Variants in KNDC1 observed in about 807,000 individuals in gnomAD.
KNDC1 encodes kinase non-catalytic C-lobe domain containing 1, also known as kinase non-catalytic C-lobe domain-containing protein 1.
In KNDC1, 106 loss-of-function variants were observed where a neutral mutation model predicts 172.8. The observed-to-expected ratio is 0.61, with a 90% CI of 0.52 to 0.72. The LOEUF is 0.72. Among genes scored for constraint, KNDC1 ranks in the 30% least tolerant of loss-of-function variants. The probability of loss-of-function intolerance (pLI) is 0.00; values close to 1 mark genes in which losing one functional copy is unlikely to be tolerated. For missense variants in KNDC1, 2,325 were observed against 2,394.5 expected (o/e 0.97, Z 0.61); for synonymous variants, 1,083 against 1,062.2 (o/e 1.02, Z -0.38).
Position 133,195,145 on chromosome 10 carries a change from C to T in KNDC1, c.1576-518C>T, listed in dbSNP as rs112757056. On this transcript the variant is annotated intron_variant, in intron 9 of 29. Coordinates refer to ENST00000304613, the MANE Select transcript of KNDC1 (RefSeq NM_152643.8). ...GACTGGCTCTGTGGAACTTACAAAACGTGCATCAAATGGTGTGCTGTGCAT... is the reference window on the plus strand; with the variant it reads ...GACTGGCTCTGTGGAACTTACAAAATGTGCATCAAATGGTGTGCTGTGCAT... 2.5e-3 allele frequency among the ~76,000 whole-genome samples: 383 copies of T among 152,330 alleles called. 3 individuals carry two copies. The highest frequency in any genetic ancestry group is 8.3e-3 in the African/African-American group (343 of 41,572).
chr10:133,187,907 C>T (rs1400146439), intron 6 of KNDC1, among the ~76,000 whole-genome samples: 2 of 142,570 alleles, frequency 1.4e-5, no homozygotes, highest in African/African-American at 5.2e-5. Context: ...TGCACCCCGT[C>T]CCGCCCTCCA....
rs778788705 is a variant in KNDC1 at position 133,198,842 on chromosome 10, C to T, written c.2334C>T (p.Pro778=). 6 of 1,599,316 alleles carry T rather than the reference C, an allele frequency of 3.8e-6. No individual in the cohort carries two copies. Among genetic ancestry groups the T allele is most frequent in the Non-Finnish European group, 4.3e-6 (5 of 1,175,476 alleles). The change falls in exon 14 of 30, where the codon CCC becomes CCT. Residue 778 remains proline, a synonymous_variant. Coordinates refer to ENST00000304613, the MANE Select transcript of KNDC1 (RefSeq NM_152643.8). ...CAGAGGGGGCCTCATCGGCAGCTCCCGGCTCTCCAGTCCCCGCCCCGCCCA... is the reference window on the plus strand; with the variant it reads ...CAGAGGGGGCCTCATCGGCAGCTCCTGGCTCTCCAGTCCCCGCCCCGCCCA... ...NQPEGASSAA[P]GSPVPAPPTK...
At chr10:133,183,514 C>T in intron 4 of KNDC1, 24 bp downstream of exon 4, 2 of 1,582,694 alleles carry the variant, frequency 1.3e-6, no homozygotes, top group Non-Finnish European at 1.7e-6. Context: ...CCCTGGGCCA[C>T]CCCAGGCTGT....
At chr10:133,216,927 G>A (rs867196632) in intron 26 of KNDC1, among the ~76,000 whole-genome samples, 15 of 152,260 alleles carry the variant, frequency 9.9e-5, no homozygotes, top group African/African-American at 3.1e-4. Context: ...CGAGCCAGTC[G>A]CGAAGCACGG....
chr10:133,189,227 G>A (rs9419021), intron 7 of KNDC1, among the ~76,000 whole-genome samples: 2,806 of 152,252 alleles, frequency 0.018, 37 homozygotes, highest in Non-Finnish European at 0.028. Flanking sequence ...AGACACACCC[G>A]GCTCCAGTGT....
chr10:133,218,978 C>T (rs372596073), intron 27 of KNDC1, 25 bp downstream of exon 27: 169 of 1,613,488 alleles, frequency 1.0e-4, no homozygotes, highest in Middle Eastern at 1.6e-4. Context: ...GGCCCCAAGG[C>T]GGGGGTGGGT....
intron 29 of KNDC1, among the ~76,000 whole-genome samples, chr10:133,223,740 T>A (rs868593516): frequency 3.6e-5 from 3 of 83,450 alleles, no homozygotes; most frequent in South Asian, 6.0e-4. Flanking sequence ...TGTGTGTGTG[T>A]GAGAGCCCAT....
chr10:133,211,377 C>T (rs138572305), intron 21 of KNDC1, 45 bp from the exon 22 acceptor site: 2,124 of 1,586,462 alleles, frequency 1.3e-3, no homozygotes, highest in Middle Eastern at 3.1e-3. Context: ...CCTCTGCCCC[C>T]GACTCCCACA....
At chr10:133,167,855 A>G (rs1463908383) in intron 2 of KNDC1, among the ~76,000 whole-genome samples, 2 of 152,070 alleles carry the variant, frequency 1.3e-5, no homozygotes, top group African/African-American at 2.4e-5. Context: ...GACTTCCCCT[A>G]AGGGCAGGCT....
Position 133,186,356 on chromosome 10 carries a change from A to G in KNDC1, c.1008A>G (p.Leu336=). 1 of 1,612,682 alleles carries G rather than the reference A, an allele frequency of 6.2e-7. No homozygotes were observed. Among genetic ancestry groups the G allele is most frequent in the Non-Finnish European group, 8.5e-7 (1 of 1,179,952 alleles). ...AAAGCCAGCTGCCCATATCGGAATT[A>G]TTCTCTCCGGACCCCAGGAAGGCCT... ...RGKSQLPISE[L]FSPDPRKAFL... The change falls in exon 6 of 30, where the codon TTA becomes TTG. Residue 336 remains leucine, a synonymous_variant. Coordinates refer to ENST00000304613, the MANE Select transcript of KNDC1 (RefSeq NM_152643.8).
At position 133,197,719 on chromosome 10, in the gene KNDC1, A is replaced by C. The variant is rs1452733206; in HGVS notation, c.1857A>C (p.Ser619=). 2.5e-6 allele frequency: 4 copies of C among 1,613,240 alleles called. No individual in the cohort carries two copies. Among genetic ancestry groups the C allele is most frequent in the Non-Finnish European group, 3.4e-6 (4 of 1,179,882 alleles). The change falls in exon 12 of 30, where the codon TCA becomes TCC. Residue 619 remains serine, a synonymous_variant. Coordinates refer to ENST00000304613, the MANE Select transcript of KNDC1 (RefSeq NM_152643.8). The part of the protein sequence containing the change: ...EETISLQNAF[S]VVELKPSVAP... ...CCATCAGCCTCCAAAACGCCTTCTC[A>C]GTGGTTGAACTGAAGCCCAGTGTGG...
At position 133,203,009 on chromosome 10, in the gene KNDC1, C is replaced by T. The variant is rs559722234; in HGVS notation, c.3387+1111C>T. Among the ~76,000 whole-genome samples, 370 of 147,660 alleles carry T rather than the reference C, an allele frequency of 2.5e-3. 3 individuals carry two copies. The highest frequency in any genetic ancestry group is 8.3e-3 in the African/African-American group (330 of 39,768). On this transcript the variant is annotated intron_variant, in intron 17 of 29. Coordinates refer to ENST00000304613, the MANE Select transcript of KNDC1 (RefSeq NM_152643.8). ...AGCCCCCAAACTCACGGCGTCCAGCCGGGAGCACTCCGCCCCCAAACGCAT... is the reference window on the plus strand; with the variant it reads ...AGCCCCCAAACTCACGGCGTCCAGCTGGGAGCACTCCGCCCCCAAACGCAT...
Position 133,201,506 on chromosome 10 carries a change from G to A in KNDC1, c.2995G>A (p.Glu999Lys), listed in dbSNP as rs761653621. The A allele has an allele frequency of 6.3e-7, 1 of 1,593,048 alleles. No homozygotes were observed. The highest frequency in any genetic ancestry group is 1.1e-5 in the South Asian group (1 of 88,640). ...CTGCGTCTCTTTCTTTCAAGGAAAA[G>A]AGAAGCCAGCCATGGCCAGGACCAG... ...KRPSLHRLGK[E>K]KPAMARTSSR... The change falls in exon 17 of 30, where the codon GAG (glutamate) becomes AAG (lysine). Residue 999 changes from glutamate to lysine, a missense_variant. Physicochemically the swap from Glu to Lys is moderately conservative, Grantham distance 56. Transcript: ENST00000304613.
chr10:133,220,878 C>T (rs1845573941), intron 29 of KNDC1, among the ~76,000 whole-genome samples: 1 of 152,000 alleles, frequency 6.6e-6, no homozygotes, highest in Non-Finnish European at 1.5e-5. Context: ...GGCGCATGCC[C>T]AGGTGGGGCA....
At position 133,201,593 on chromosome 10, in the gene KNDC1, G is replaced by A; in HGVS notation, c.3082G>A (p.Gly1028Arg). The stretch of plus-strand genomic sequence containing the variant: ...TGTGGACTCGGACGCACTGTCACGG[G>A]GAAACTTCGAGGTGGGGTTTCGGCC... Reference protein sequence around the residue: ...SDVDSDALSRGNFEVGFRPQR... With the variant: ...SDVDSDALSRRNFEVGFRPQR... Residue 1028 changes from glycine to arginine, a missense_variant, in exon 17 of 30, where the codon GGA becomes AGA. Transcript: ENST00000304613. 6.2e-7 allele frequency: 1 copy of A among 1,613,106 alleles called. No individual in the cohort carries two copies. The highest frequency in any genetic ancestry group is 8.5e-7 in the Non-Finnish European group (1 of 1,179,964).
intron 23 of KNDC1, among the ~76,000 whole-genome samples, 197 bp downstream of exon 23, chr10:133,212,055 C>T (rs988205185): frequency 5.3e-5 from 8 of 152,198 alleles, no homozygotes; most frequent in Admixed American, 6.5e-5. Flanking sequence ...CACACATCCA[C>T]ACGTGCACAT....
intron 9 of KNDC1, among the ~76,000 whole-genome samples, chr10:133,190,591 G>A (rs1854051074): frequency 6.6e-6 from 1 of 152,246 alleles, no homozygotes; most frequent in Non-Finnish European, 1.5e-5. Flanking sequence ...CGGTGACCGG[G>A]AAAAAGCAAT....
chr10:133,183,772 TC>T, intron 4 of KNDC1, 99 bp from the exon 5 acceptor site: 1 of 987,720 alleles, frequency 1.0e-6, no homozygotes. Flanking sequence ...CTGGGGACTG[TC>T]CCCAGGTCAC....
intron 26 of KNDC1, among the ~76,000 whole-genome samples, chr10:133,217,696 C>T (rs1356724116): frequency 6.6e-6 from 1 of 152,078 alleles, no homozygotes; most frequent in African/African-American, 2.4e-5. Context: ...AAAATTATCA[C>T]GGCTGTGATC....
Sources: allele counts gnomAD v4.1 joint callset (sites outside exome capture counted in the v4.1 genomes callset), GRCh38; gene constraint gnomAD v4.1.1; transcripts MANE v1.5; gene names NCBI Gene and HGNC (gene_info 2026-07-23, HGNC 2026-07-21).